Variants in B3GALT1 observed in about 807,000 individuals in gnomAD.
B3GALT1 encodes UDP-Gal:betaGlcNAc beta 1,3-galactosyltransferase, polypeptide 1.
Under a neutral mutation model 23.2 loss-of-function variants are expected in B3GALT1, and 10 were observed. That is an observed-to-expected ratio of 0.43 (90% CI 0.27 to 0.73). The LOEUF (loss-of-function observed/expected upper bound fraction) is 0.73. B3GALT1 is among the 30% of genes least tolerant of loss of function. B3GALT1 has a pLI of 0.21. For synonymous variants in B3GALT1, 156 were observed against 141.5 expected (o/e 1.10, Z -0.73); for missense variants, 299 against 405.4 (o/e 0.74, Z 2.25).
intron 1 of B3GALT1, among the ~76,000 whole-genome samples, chr2:167,345,696 C>T (rs1223405611): frequency 1.3e-5 from 2 of 152,120 alleles, no homozygotes; most frequent in Admixed American, 6.5e-5. Context: ...AAATAAGACA[C>T]AGTACTCTCA....
intron 2 of B3GALT1, among the ~76,000 whole-genome samples, chr2:167,494,843 A>G (rs186552291): frequency 1.3e-5 from 2 of 152,294 alleles, no homozygotes; most frequent in East Asian, 1.9e-4. Flanking sequence ...TTTTGAAAAC[A>G]TAGCTTTCTT....
intron 3 of B3GALT1, among the ~76,000 whole-genome samples, chr2:167,743,029 A>G (rs928666024): frequency 6.6e-6 from 1 of 152,184 alleles, no homozygotes; most frequent in African/African-American, 2.4e-5. Flanking sequence ...TACTACATAT[A>G]GCCTTCATGA....
At chr2:167,454,399 C>T (rs1210707865) in intron 1 of B3GALT1, among the ~76,000 whole-genome samples, 2 of 152,248 alleles carry the variant, frequency 1.3e-5, no homozygotes, top group South Asian at 2.1e-4. Flanking sequence ...CCTTTCGCTC[C>T]GTTACCTGCT....
intron 4 of B3GALT1, among the ~76,000 whole-genome samples, chr2:167,833,557 T>TG (rs1419117557): frequency 6.6e-6 from 1 of 152,148 alleles, no homozygotes; most frequent in Non-Finnish European, 1.5e-5. Context: ...CATTGAAAAA[T>TG]GACACTGGGC....
At chr2:167,322,471 AAT>A (rs1179610986) in intron 1 of B3GALT1, among the ~76,000 whole-genome samples, 6 of 152,032 alleles carry the variant, frequency 3.9e-5, no homozygotes, top group Non-Finnish European at 8.8e-5. Context: ...TGTATAAAAT[AAT>A]AGTTTTTCTG....
intron 2 of B3GALT1, among the ~76,000 whole-genome samples, chr2:167,586,502 T>C (rs1339982555): frequency 6.6e-6 from 1 of 152,174 alleles, no homozygotes; most frequent in East Asian, 1.9e-4. Context: ...GGTTTCACCA[T>C]GTTAGCCAGG....
chr2:167,823,740 C>T (rs1411099201), intron 4 of B3GALT1, among the ~76,000 whole-genome samples: 1 of 152,150 alleles, frequency 6.6e-6, no homozygotes, highest in Non-Finnish European at 1.5e-5. Flanking sequence ...GTGGGGGAAC[C>T]AAATATCCAC....
chr2:167,465,740 G>A (rs1318359535), intron 1 of B3GALT1, among the ~76,000 whole-genome samples: 2 of 152,170 alleles, frequency 1.3e-5, no homozygotes, highest in East Asian at 1.9e-4. Context: ...GCAAATATAC[G>A]TTATTTTACT....
intron 1 of B3GALT1, among the ~76,000 whole-genome samples, chr2:167,392,830 C>G (rs1477333380): frequency 6.6e-6 from 1 of 152,012 alleles, no homozygotes; most frequent in Non-Finnish European, 1.5e-5. Context: ...ATCATTCATG[C>G]CAAGAACAAT....
rs76664057 is a variant in B3GALT1 at position 167,701,048 on chromosome 2, G to A, written c.-352+54082G>A. On this transcript the variant is annotated intron_variant, in intron 3 of 4. Coordinates refer to ENST00000392690, the MANE Select transcript of B3GALT1 (RefSeq NM_020981.4). ...AGCACAATATAAATTTAATATTCAC[G>A]TCAACCTTATAAGAAAAGCACTATT... Among the ~76,000 whole-genome samples the A allele has an allele frequency of 1.2e-3, 190 of 152,182 alleles. 4 individuals are homozygous for A. The East Asian group carries it at 0.033, about 27-fold the overall frequency.
At position 167,582,552 on chromosome 2, in the gene B3GALT1, T is replaced by A. The variant is rs550948728; in HGVS notation, c.-409-64357T>A. On this transcript the variant is annotated intron_variant, in intron 2 of 4. Transcript: ENST00000392690. Reference sequence around the variant, plus strand: ...ATAACCTGAAGCCAGTAATTTAGTCTCTCTAGATTTAACTGTTTCTTTAAA... The same window carrying A: ...ATAACCTGAAGCCAGTAATTTAGTCACTCTAGATTTAACTGTTTCTTTAAA... Among the ~76,000 whole-genome samples, 14 of 152,346 alleles carry A rather than the reference T, an allele frequency of 9.2e-5. 1 individual carries two copies. In the South Asian group the frequency reaches 1.9e-3, roughly 20 times the overall value.
intron 1 of B3GALT1, among the ~76,000 whole-genome samples, chr2:167,405,476 T>C (rs1043400547): frequency 2.0e-5 from 3 of 152,156 alleles, no homozygotes; most frequent in Non-Finnish European, 4.4e-5. Flanking sequence ...ATGAACTCAG[T>C]TTCCTGGAGT....
chr2:167,478,988 C>T (rs925076607), intron 1 of B3GALT1, among the ~76,000 whole-genome samples: 7 of 151,948 alleles, frequency 4.6e-5, no homozygotes, highest in African/African-American at 9.7e-5. Flanking sequence ...GGTGTGATCC[C>T]GGGAGGCGAA....
chr2:167,498,884 A>G (rs1189657278), intron 2 of B3GALT1, among the ~76,000 whole-genome samples: 1 of 152,122 alleles, frequency 6.6e-6, no homozygotes, highest in Non-Finnish European at 1.5e-5. Context: ...CTTCATATGA[A>G]TTTAAATCAG....
intron 3 of B3GALT1, among the ~76,000 whole-genome samples, chr2:167,802,256 G>C (rs1188745218): frequency 6.6e-6 from 1 of 152,154 alleles, no homozygotes; most frequent in Non-Finnish European, 1.5e-5. Flanking sequence ...TGTCAATTTG[G>C]GGGGCAGCCT....
At chr2:167,548,011 A>C (rs572117277) in intron 2 of B3GALT1, among the ~76,000 whole-genome samples, 2 of 152,358 alleles carry the variant, frequency 1.3e-5, no homozygotes, top group East Asian at 3.9e-4. Flanking sequence ...TTATTAATCT[A>C]ATCTTTTAAA....
At chr2:167,563,386 C>A (rs867990761) in intron 2 of B3GALT1, among the ~76,000 whole-genome samples, 5 of 130,124 alleles carry the variant, frequency 3.8e-5, no homozygotes, top group Non-Finnish European at 6.7e-5. Context: ...CCCTCCCGGA[C>A]GGGGCGGCTG....
At chr2:167,340,095 T>G (rs1697123490) in intron 1 of B3GALT1, among the ~76,000 whole-genome samples, 1 of 152,184 alleles carries the variant, frequency 6.6e-6, no homozygotes, top group African/African-American at 2.4e-5. Context: ...CTTGCATGTA[T>G]GCACTGTTCA....
intron 3 of B3GALT1, among the ~76,000 whole-genome samples, chr2:167,704,162 A>C (rs1223913483): frequency 3.9e-5 from 5 of 128,624 alleles, no homozygotes; most frequent in South Asian, 2.7e-4. Context: ...GACTGGGCAA[A>C]GGAGCGAAAC....
Sources: gnomAD v4.1 joint callset for allele counts (sites outside exome capture counted in the v4.1 genomes callset) on GRCh38, gnomAD v4.1.1 for gene constraint, MANE v1.5 for transcripts, NCBI Gene and HGNC (gene_info 2026-07-23, HGNC 2026-07-21) for gene names.